Variants in RHBDL3 observed in about 807,000 individuals in gnomAD.
RHBDL3 encodes the protein rhomboid-related protein 3.
RHBDL3 carries 28 observed loss-of-function variants against 48.2 expected under a neutral mutation model. The ratio of observed to expected loss-of-function variants is 0.58; its 90% CI spans 0.43 to 0.80. The LOEUF (loss-of-function observed/expected upper bound fraction) is 0.80, where lower values mean the gene tolerates loss of function less well. RHBDL3 is among the 30% of genes least tolerant of loss of function. The probability of loss-of-function intolerance (pLI) is 0.00; values close to 1 mark genes in which losing one functional copy is unlikely to be tolerated. For missense variants in RHBDL3, 464 were observed against 542.7 expected (o/e 0.85, Z 1.44); for synonymous variants, 208 against 232.3 (o/e 0.90, Z 0.95).
intron 7 of RHBDL3, among the ~76,000 whole-genome samples, chr17:32,308,711 A>G (rs8073013): frequency 0.068 from 10,300 of 152,314 alleles, 1,032 homozygotes; most frequent in African/African-American, 0.22. Context: ...TCAAGAGGCT[A>G]CCTTTACTCA....
At chr17:32,312,404 CAGCCTGGGCAATAGAGTAAG>C (rs2150750628) in intron 7 of RHBDL3, among the ~76,000 whole-genome samples, 2 of 152,158 alleles carry the variant, frequency 1.3e-5, no homozygotes, top group East Asian at 3.9e-4. Context: ...CACTTCACTC[CAGCCTGGGCAATAGAGTAAG>C]ACCCTGTCTC....
At chr17:32,274,594 G>A (rs192151792) in intron 2 of RHBDL3, among the ~76,000 whole-genome samples, 145 of 152,342 alleles carry the variant, frequency 9.5e-4, no homozygotes, top group African/African-American at 3.2e-3. Context: ...GCTAGGTGCA[G>A]TAGCTCACAC....
At chr17:32,276,242 G>A (rs189846001) in intron 2 of RHBDL3, among the ~76,000 whole-genome samples, 40 of 151,152 alleles carry the variant, frequency 2.6e-4, no homozygotes, top group Non-Finnish European at 1.9e-4. Flanking sequence ...GTTGGCATGA[G>A]AACAAAAAAA....
chr17:32,319,590 G>C (rs918234783), intron 8 of RHBDL3, among the ~76,000 whole-genome samples: 9 of 152,138 alleles, frequency 5.9e-5, no homozygotes, highest in African/African-American at 2.2e-4. Flanking sequence ...GAGGGCGGAG[G>C]GTCAGTCCCT....
chr17:32,293,942 A>T (rs1183151452), intron 4 of RHBDL3, among the ~76,000 whole-genome samples: 2 of 152,130 alleles, frequency 1.3e-5, no homozygotes, highest in Non-Finnish European at 2.9e-5. Context: ...AGCTTGACCA[A>T]CATGGAGAAA....
intron 7 of RHBDL3, among the ~76,000 whole-genome samples, chr17:32,306,389 A>C (rs1465829728): frequency 6.6e-6 from 1 of 152,148 alleles, no homozygotes; most frequent in Non-Finnish European, 1.5e-5. Context: ...GCACCACTGC[A>C]CTCCAGCCTG....
At chr17:32,318,334 A>AG (rs1471405457) in intron 8 of RHBDL3, among the ~76,000 whole-genome samples, 11 of 150,572 alleles carry the variant, frequency 7.3e-5, no homozygotes, top group East Asian at 1.9e-4. Context: ...TTAAAAAAAA[A>AG]AAAAAGAAAA....
intron 7 of RHBDL3, among the ~76,000 whole-genome samples, chr17:32,313,662 A>C (rs1426472890): frequency 6.6e-6 from 1 of 150,674 alleles, no homozygotes; most frequent in East Asian, 1.9e-4. Context: ...GGAATCATAC[A>C]GTATTTAGCT....
At chr17:32,277,704 C>T (rs551806250) in intron 2 of RHBDL3, among the ~76,000 whole-genome samples, 2 of 152,334 alleles carry the variant, frequency 1.3e-5, no homozygotes, top group East Asian at 3.9e-4. Flanking sequence ...TGGTTCTGAA[C>T]CAGCGGCAAA....
At chr17:32,286,135 C>G (rs1470440216) in intron 3 of RHBDL3, among the ~76,000 whole-genome samples, 1 of 152,160 alleles carries the variant, frequency 6.6e-6, no homozygotes, top group Non-Finnish European at 1.5e-5. Context: ...GCAGTGCCAC[C>G]AAAGACCAGG....
intron 7 of RHBDL3, among the ~76,000 whole-genome samples, chr17:32,314,393 T>A (rs963402887): frequency 2.0e-5 from 3 of 151,586 alleles, no homozygotes; most frequent in African/African-American, 7.3e-5. Flanking sequence ...TTATTTTTAT[T>A]TTTTTTGAGA....
At chr17:32,266,917 G>C (rs750897101) in intron 1 of RHBDL3, among the ~76,000 whole-genome samples, 6 of 152,030 alleles carry the variant, frequency 3.9e-5, no homozygotes, top group Admixed American at 6.5e-5. Flanking sequence ...GCCAGGGGAC[G>C]GTCCCCTGGG....
intron 3 of RHBDL3, among the ~76,000 whole-genome samples, chr17:32,287,825 C>T (rs551973275): frequency 4.6e-5 from 7 of 152,296 alleles, no homozygotes; most frequent in African/African-American, 1.2e-4. Context: ...GACTTCTCCC[C>T]GTAAGAAGGG....
rs970954319 is a variant in RHBDL3 at position 32,266,124 on chromosome 17, CAA to C, written c.-64_-63del. 1 of 525,512 alleles carries C rather than the reference CAA, an allele frequency of 1.9e-6. No homozygotes were observed. Among genetic ancestry groups the C allele is most frequent in the Non-Finnish European group, 2.5e-6 (1 of 397,352 alleles). The allele number at this position is 525,512 out of a possible 1,614,324, so 32.6% of individuals were successfully genotyped here. A position where few individuals can be genotyped will look rare whatever the true frequency, so the allele number is the denominator to read the frequency against. The stretch of plus-strand genomic sequence containing the variant: ...CTGGAGCGGCGCGGCCGCCGCGGCG[CAA>C]AGTTAGCCCGGCGCCCCGGGACGAG... On this transcript the variant is annotated 5_prime_UTR_variant, in exon 1 of 9. The change abolishes the stop of an existing upstream ORF in the 5' untranslated region. Transcript: ENST00000269051.
At chr17:32,267,681 TA>T in intron 1 of RHBDL3, 1 of 270,170 alleles carries the variant, frequency 3.7e-6, no homozygotes, top group Non-Finnish European at 6.1e-6. Flanking sequence ...CCCCATCCCT[TA>T]CTGTGAGTTT....
At chr17:32,306,258 C>T (rs2040708705) in intron 7 of RHBDL3, among the ~76,000 whole-genome samples, 1 of 151,872 alleles carries the variant, frequency 6.6e-6, no homozygotes, top group Non-Finnish European at 1.5e-5. Flanking sequence ...CCCATCTCTA[C>T]TAAAAAAATA....
At chr17:32,297,142 C>T (rs1030160377) in intron 5 of RHBDL3, among the ~76,000 whole-genome samples, 2 of 152,088 alleles carry the variant, frequency 1.3e-5, no homozygotes, top group African/African-American at 2.4e-5. Flanking sequence ...TGAGCCACCA[C>T]GCCTGGCTAA....
intron 2 of RHBDL3, among the ~76,000 whole-genome samples, chr17:32,279,701 C>T (rs1240047299): frequency 4.3e-4 from 65 of 152,190 alleles, no homozygotes; most frequent in Non-Finnish European, 1.5e-5. Context: ...CCGTATGGCA[C>T]GCTTATGTGC....
chr17:32,295,575 G>T (rs1045686419), intron 5 of RHBDL3, among the ~76,000 whole-genome samples: 1 of 152,224 alleles, frequency 6.6e-6, no homozygotes, highest in South Asian at 2.1e-4. Flanking sequence ...GTGGCTGCAC[G>T]TGGGTTGGGA....
Sources: allele counts gnomAD v4.1 joint callset (sites outside exome capture counted in the v4.1 genomes callset), GRCh38; gene constraint gnomAD v4.1.1; transcripts MANE v1.5; gene names NCBI Gene and HGNC (gene_info 2026-07-23, HGNC 2026-07-21).